The following KDM2A variants were observed in gnomAD, a reference collection of about 807,000 sequenced individuals.
KDM2A encodes lysine-specific demethylase 2A.
Under a neutral mutation model 137.3 loss-of-function variants are expected in KDM2A, and 3 were observed. That is an observed-to-expected ratio of 0.02 (90% CI 0.01 to 0.06). The LOEUF is 0.06. Among genes scored for constraint, KDM2A ranks in the 10% least tolerant of loss-of-function variants. The pLI, the probability that KDM2A is intolerant of heterozygous loss-of-function variation, is 1.00. For synonymous variants in KDM2A, 512 were observed against 541.5 expected, an observed-to-expected ratio of 0.95 and a Z score of 0.76; for missense variants, 738 against 1,510.6, an observed-to-expected ratio of 0.49 and a Z score of 8.48.
intron 5 of KDM2A, among the ~76,000 whole-genome samples, chr11:67,193,572 A>G (rs1380106563): frequency 6.6e-6 from 1 of 152,254 alleles, no homozygotes; most frequent in Admixed American, 6.5e-5. Flanking sequence ...TTAAATACGT[A>G]TATATTGGCT....
At chr11:67,215,084 G>T (rs1858120078) in intron 6 of KDM2A, among the ~76,000 whole-genome samples, 1 of 151,986 alleles carries the variant, frequency 6.6e-6, no homozygotes, top group South Asian at 2.1e-4. Flanking sequence ...CATAATTAAT[G>T]ATTCCATTTT....
At chr11:67,183,878 G>T (rs984125004) in intron 5 of KDM2A, among the ~76,000 whole-genome samples, 3 of 151,744 alleles carry the variant, frequency 2.0e-5, no homozygotes, top group Non-Finnish European at 4.4e-5. Flanking sequence ...GGAGGCTGAG[G>T]CAGGTGGATT....
intron 2 of KDM2A, among the ~76,000 whole-genome samples, chr11:67,133,855 A>G (rs772271067): frequency 6.0e-5 from 9 of 151,220 alleles, no homozygotes; most frequent in Non-Finnish European, 1.3e-4. Context: ...CACCACACCC[A>G]GGTAATTTTT....
chr11:67,181,282 A>T lies in KDM2A; in HGVS notation c.182-38A>T, dbSNP rs755936661. ...TATGGTCCTTTTATCGTTTTTAATT[A>T]TACCACTTATCTTTCTAATATTTTC... On this transcript the variant is annotated intron_variant, in intron 3 of 20. Transcript: ENST00000529006. 1.1e-5 allele frequency: 15 copies of T among 1,366,720 alleles called. No homozygotes were observed. In the South Asian group the frequency reaches 1.7e-4, roughly 16 times the overall value. The allele number at this position is 1,366,720 out of a possible 1,614,324, so 84.7% of individuals were successfully genotyped here.
intron 2 of KDM2A, among the ~76,000 whole-genome samples, chr11:67,142,557 G>GGGGGTTGGGGGT (rs1856132327): frequency 8.7e-6 from 1 of 115,258 alleles, no homozygotes; most frequent in Non-Finnish European, 2.0e-5. Flanking sequence ...AAGTTGGCCG[G>GGGGGTTGGGGGT]GGGGTTGGGG....
chr11:67,180,271 C>T (rs1857061489), intron 3 of KDM2A, 54 bp downstream of exon 3: 2 of 1,565,488 alleles, frequency 1.3e-6, no homozygotes, highest in South Asian at 1.2e-5. Flanking sequence ...AAGCCATAGA[C>T]TCTGAGCATT....
intron 2 of KDM2A, among the ~76,000 whole-genome samples, chr11:67,138,484 GA>G (rs1377922076): frequency 6.6e-6 from 1 of 152,058 alleles, no homozygotes; most frequent in Non-Finnish European, 1.5e-5. Context: ...GAACTAGTTA[GA>G]AAGGGAATTC....
At chr11:67,179,278 GT>G (rs1217270925) in intron 2 of KDM2A, among the ~76,000 whole-genome samples, 1 of 151,830 alleles carries the variant, frequency 6.6e-6, no homozygotes, top group East Asian at 1.9e-4. Context: ...GTTTTGTTTT[GT>G]TTTGTTTTTT....
intron 15 of KDM2A, among the ~76,000 whole-genome samples, chr11:67,247,705 G>A (rs1019388858): frequency 1.3e-5 from 2 of 152,112 alleles, no homozygotes; most frequent in Non-Finnish European, 2.9e-5. Context: ...GATTACAGGC[G>A]TGAGCCACCA....
At chr11:67,222,059 C>CTTTTTTTTTTTTTTTTTT (rs11373238) in intron 10 of KDM2A, among the ~76,000 whole-genome samples, 10 of 110,482 alleles carry the variant, frequency 9.1e-5, no homozygotes, top group South Asian at 3.2e-4. Context: ...CTCTGTCATT[C>CTTTTTTTTTTTTTTTTTT]TTTTTTTTTT....
chr11:67,122,902 C>T (rs2136275508), intron 2 of KDM2A, among the ~76,000 whole-genome samples: 1 of 150,500 alleles, frequency 6.6e-6, no homozygotes, highest in Admixed American at 6.7e-5. Flanking sequence ...GTCTCGATCT[C>T]CTGACCTTGT....
chr11:67,157,606 A>C (rs1856547008), intron 2 of KDM2A, among the ~76,000 whole-genome samples: 1 of 151,438 alleles, frequency 6.6e-6, no homozygotes, highest in Non-Finnish European at 1.5e-5. Context: ...TTAGCCAGAC[A>C]CAGTGGCACG....
chr11:67,221,597 A>G (rs1302673659), intron 10 of KDM2A, among the ~76,000 whole-genome samples: 3 of 152,308 alleles, frequency 2.0e-5, no homozygotes, highest in Admixed American at 2.0e-4. Context: ...GAATTGCCCT[A>G]CTAGTAGAAT....
chr11:67,141,876 G>A, intron 2 of KDM2A, among the ~76,000 whole-genome samples: 1 of 151,526 alleles, frequency 6.6e-6, no homozygotes, highest in East Asian at 1.9e-4. Context: ...CTCTGTTTAT[G>A]AGATCAGCTT....
intron 10 of KDM2A, chr11:67,219,754 G>A (rs1426817533): frequency 1.9e-5 from 3 of 155,074 alleles, no homozygotes; most frequent in Non-Finnish European, 2.9e-5. Context: ...GTCTCACTGC[G>A]TTGCCCAGGC....
At chr11:67,157,137 C>A (rs1398305093) in intron 2 of KDM2A, among the ~76,000 whole-genome samples, 3 of 151,554 alleles carry the variant, frequency 2.0e-5, no homozygotes, top group Admixed American at 1.3e-4. Flanking sequence ...CACGGTGAAA[C>A]CCCGTCTCTA....
intron 2 of KDM2A, among the ~76,000 whole-genome samples, chr11:67,137,467 A>G (rs1855993733): frequency 6.6e-6 from 1 of 152,160 alleles, no homozygotes; most frequent in Non-Finnish European, 1.5e-5. Context: ...GATTGATTCT[A>G]TGATTGAGAT....
At chr11:67,192,393 A>G (rs1471569151) in intron 5 of KDM2A, among the ~76,000 whole-genome samples, 1 of 141,146 alleles carries the variant, frequency 7.1e-6, no homozygotes, top group Non-Finnish European at 1.5e-5. Flanking sequence ...ACCATAATTT[A>G]CCCATTCCCC....
chr11:67,216,565 G>C (rs761825706), intron 8 of KDM2A, among the ~76,000 whole-genome samples: 5 of 152,210 alleles, frequency 3.3e-5, no homozygotes, highest in Non-Finnish European at 5.9e-5. Context: ...CTAACTTGCA[G>C]TGAATGCATT....
Sources: gnomAD v4.1 joint callset for allele counts (sites outside exome capture counted in the v4.1 genomes callset) on GRCh38, gnomAD v4.1.1 for gene constraint, MANE v1.5 for transcripts, NCBI Gene and HGNC (gene_info 2026-07-23, HGNC 2026-07-21) for gene names.